The following ELAVL2 variants were observed in gnomAD, a reference collection of about 807,000 sequenced individuals.
The protein encoded by ELAVL2 is ELAV like RNA binding protein 2.
Under a neutral mutation model 34.6 loss-of-function variants are expected in ELAVL2, and 4 were observed. That is an observed-to-expected ratio of 0.12 (90% CI 0.06 to 0.26). The LOEUF is 0.26. ELAVL2 is among the 10% of genes least tolerant of loss of function. The pLI is 1.00. For synonymous variants in ELAVL2, 193 were observed against 154.8 expected (o/e 1.25, Z -1.83); for missense variants, 432 against 442.8 (o/e 0.98, Z 0.22).
chr9:23,729,891 GC>G (rs1292606306), intron 3 of ELAVL2, among the ~76,000 whole-genome samples: 2 of 152,040 alleles, frequency 1.3e-5, no homozygotes, highest in Non-Finnish European at 2.9e-5. Context: ...AAAAAAATGA[GC>G]AAAAATCTTT....
intron 1 of ELAVL2, among the ~76,000 whole-genome samples, chr9:23,772,248 G>A (rs1164767896): frequency 1.3e-5 from 2 of 152,048 alleles, no homozygotes; most frequent in Non-Finnish European, 2.9e-5. Flanking sequence ...GTAGTTGAGT[G>A]TTTTCATTAG....
chr9:23,835,857 A>G, the ELAVL2 span, among the ~76,000 whole-genome samples: 1 of 152,284 alleles, frequency 6.6e-6, no homozygotes, highest in Admixed American at 6.5e-5. Context: ...AATAGAAAAC[A>G]GACTTAATGT....
chr9:23,835,893 C>T, the ELAVL2 span, among the ~76,000 whole-genome samples: 1 of 152,286 alleles, frequency 6.6e-6, no homozygotes, highest in East Asian at 1.9e-4. Flanking sequence ...CAATAGGCGT[C>T]TGTCTGCATC....
intron 3 of ELAVL2, among the ~76,000 whole-genome samples, chr9:23,721,043 T>C (rs910202774): frequency 6.6e-6 from 1 of 152,196 alleles, no homozygotes; most frequent in Non-Finnish European, 1.5e-5. Flanking sequence ...TAGGGTTTCC[T>C]AGATAGCTCA....
rs1034506549 is a variant in ELAVL2, at chr9:23,815,536, C to T, written c.-16+10270G>A. Among the ~76,000 whole-genome samples the T allele has an allele frequency of 3.9e-5, 6 of 152,238 alleles. No homozygotes were observed. The East Asian group carries it at 9.6e-4, about 24-fold the overall frequency. On this transcript the variant is annotated intron_variant, in intron 1 of 6. Transcript: ENST00000397312. Reference sequence around the variant, plus strand: ...AGCCAAAAATATAAAACTAATCAAGCAGTAACCACCTACTACCACCTTTCC... The same window carrying T: ...AGCCAAAAATATAAAACTAATCAAGTAGTAACCACCTACTACCACCTTTCC...
chr9:23,712,580 G>A (rs2041266666), intron 3 of ELAVL2, among the ~76,000 whole-genome samples: 1 of 152,112 alleles, frequency 6.6e-6, no homozygotes. Flanking sequence ...TAAGAATCCT[G>A]AGACTAGTAC....
intron 1 of ELAVL2, among the ~76,000 whole-genome samples, chr9:23,801,529 G>GT (rs1446927241): frequency 1.3e-5 from 2 of 152,082 alleles, no homozygotes; most frequent in African/African-American, 4.8e-5. Flanking sequence ...AAATCCCAGA[G>GT]TATCAATGAT....
intron 1 of ELAVL2, among the ~76,000 whole-genome samples, chr9:23,784,054 C>T (rs1029966702): frequency 1.3e-5 from 2 of 151,938 alleles, no homozygotes; most frequent in African/African-American, 2.4e-5. Flanking sequence ...AAAAATTAGC[C>T]GGGCATGGTG....
At chr9:23,802,723 G>T (rs180898375) in intron 1 of ELAVL2, among the ~76,000 whole-genome samples, 1 of 152,278 alleles carries the variant, frequency 6.6e-6, no homozygotes, top group East Asian at 1.9e-4. Context: ...GCTTTCTAAA[G>T]GTTATATGTG....
At chr9:23,712,316 T>C (rs2133725288) in intron 3 of ELAVL2, among the ~76,000 whole-genome samples, 1 of 152,270 alleles carries the variant, frequency 6.6e-6, no homozygotes, top group African/African-American at 2.4e-5. Flanking sequence ...AATCTTCCTG[T>C]GAAATGACAG....
chr9:23,746,719 A>T (rs1441841042), intron 2 of ELAVL2, among the ~76,000 whole-genome samples: 1 of 151,920 alleles, frequency 6.6e-6, no homozygotes, highest in Non-Finnish European at 1.5e-5. Context: ...TAAGAAAGAG[A>T]ATTCCCCAAT....
At chr9:23,694,846 TGTGA>T (rs367710680) in intron 5 of ELAVL2, among the ~76,000 whole-genome samples, 11 of 152,188 alleles carry the variant, frequency 7.2e-5, no homozygotes, top group African/African-American at 1.7e-4. Context: ...GATCTTCGTG[TGTGA>T]GTGTGTCTCT....
intron 6 of ELAVL2, 89 bp downstream of exon 6, chr9:23,693,359 T>G (rs2033890573): frequency 6.6e-7 from 1 of 1,515,670 alleles, no homozygotes; most frequent in African/African-American, 1.4e-5. Flanking sequence ...CAACAAAAAC[T>G]TATGAGGGGT....
In ELAVL2 at chr9:23,704,930, C is replaced by A; in HGVS notation, c.475G>T (p.Asp159Tyr). ...GCTGTCTACTTACCAGTGACCTGGT[C>A]GACAAGAATACGAGAAGTAATAATG... ...GRIITSRILVDQVTGISRGVG... is the reference protein window; with the variant it reads ...GRIITSRILVYQVTGISRGVG... Residue 159 changes from aspartate to tyrosine, a missense_variant, in exon 4 of 7, where the codon GAC becomes TAC. Asp to Tyr is a radical substitution (Grantham distance 160). This residue lies in a region of ELAVL2 where 295 missense variants were observed against 306.1 expected (regional missense o/e 0.96). Coordinates refer to ENST00000397312, the MANE Select transcript of ELAVL2 (RefSeq NM_004432.5). 1 of 1,613,942 alleles carries A rather than the reference C, an allele frequency of 6.2e-7. No homozygotes were observed. Among genetic ancestry groups the A allele is most frequent in the South Asian group, 1.1e-5 (1 of 91,072 alleles).
chr9:23,740,211 G>A (rs2048841845), intron 2 of ELAVL2, among the ~76,000 whole-genome samples: 1 of 152,122 alleles, frequency 6.6e-6, no homozygotes, highest in Non-Finnish European at 1.5e-5. Context: ...TACCTGTCTG[G>A]CAGTCAACAG....
intron 4 of ELAVL2, among the ~76,000 whole-genome samples, chr9:23,702,018 T>A (rs952127448): frequency 1.4e-4 from 21 of 152,110 alleles, no homozygotes; most frequent in African/African-American, 5.1e-4. Context: ...TTCCTGTCCT[T>A]GAAACAAGGA....
chr9:23,769,362 C>G (rs112958669), intron 1 of ELAVL2, among the ~76,000 whole-genome samples: 13 of 152,064 alleles, frequency 8.5e-5, no homozygotes, highest in Non-Finnish European at 1.6e-4. Context: ...ATCATCTGCC[C>G]GACACACACC....
intron 1 of ELAVL2, among the ~76,000 whole-genome samples, chr9:23,765,585 G>A (rs982795785): frequency 7.2e-5 from 11 of 152,214 alleles, no homozygotes; most frequent in African/African-American, 2.6e-4. Flanking sequence ...TGCCCACACT[G>A]TTACATTATA....
chr9:23,823,536 C>T (rs1400144722), intron 1 of ELAVL2, among the ~76,000 whole-genome samples: 2 of 152,188 alleles, frequency 1.3e-5, no homozygotes, highest in Non-Finnish European at 2.9e-5. Context: ...GAAGAAGTGC[C>T]TGCTGTAAGA....
Sources: allele counts gnomAD v4.1 joint callset (sites outside exome capture counted in the v4.1 genomes callset), GRCh38; gene constraint gnomAD v4.1.1; regional missense constraint gnomAD v4.1.1; transcripts MANE v1.5; gene names NCBI Gene and HGNC (gene_info 2026-07-23, HGNC 2026-07-21).